Variants in GAPVD1 observed in about 807,000 individuals in gnomAD.
GAPVD1 encodes GTPase-activating protein and VPS9 domain-containing protein 1.
Under a neutral mutation model 155.5 loss-of-function variants are expected in GAPVD1, and 35 were observed. The ratio of observed to expected loss-of-function variants is 0.23; its 90% confidence interval spans 0.17 to 0.30. The LOEUF (loss-of-function observed/expected upper bound fraction) is 0.30. GAPVD1 is among the 10% of genes least tolerant of loss of function. The pLI is 1.00. For missense variants in GAPVD1, 1,429 were observed against 1,775.7 expected, an observed-to-expected ratio of 0.80 and a Z score of 3.51; for synonymous variants, 636 against 619.7, an observed-to-expected ratio of 1.03 and a Z score of -0.39.
intron 25 of GAPVD1, among the ~76,000 whole-genome samples, chr9:125,356,855 A>T (rs901185273): frequency 1.3e-5 from 2 of 151,966 alleles, no homozygotes; most frequent in Non-Finnish European, 2.9e-5. Context: ...TTGTATTTTT[A>T]GTAGAGATGG....
chr9:125,275,884 C>CAT (rs1469162225), intron 2 of GAPVD1, among the ~76,000 whole-genome samples: 1 of 152,158 alleles, frequency 6.6e-6, no homozygotes, highest in Non-Finnish European at 1.5e-5. Context: ...CTAAGTAATG[C>CAT]ATATTAGCTA....
intron 15 of GAPVD1, 48 bp from the exon 16 acceptor site, chr9:125,336,970 G>A (rs749553821): frequency 3.0e-5 from 31 of 1,048,246 alleles, no homozygotes; most frequent in African/African-American, 2.7e-4. Context: ...TGTTGAGACC[G>A]TCTGTCCTGC....
chr9:125,324,409 G>A (rs1157898821), intron 11 of GAPVD1, among the ~76,000 whole-genome samples: 1 of 152,018 alleles, frequency 6.6e-6, no homozygotes, highest in Non-Finnish European at 1.5e-5. Context: ...TGACCAACAT[G>A]GAGAAAGCCC....
chr9:125,362,578 G>T, intron 27 of GAPVD1, 28 bp from the exon 28 acceptor site: 2 of 1,565,112 alleles, frequency 1.3e-6, no homozygotes, highest in South Asian at 2.4e-5. Flanking sequence ...CTGAGTAATT[G>T]ATTCTTTTTT....
rs1336090387 is a variant in GAPVD1, at chr9:125,354,703, C to G, written c.3619C>G (p.Gln1207Glu). The change falls in exon 24 of 28, where the codon CAG becomes GAG. Residue 1207 changes from glutamine to glutamate, a missense_variant. Coordinates refer to ENST00000297933, the MANE Select transcript of GAPVD1 (RefSeq NM_001282680.3). ...TCTCACTCGTTGTCGACAAGGACTACAGACCACACAGGCTCACCTGGAAAG... is the reference window on the plus strand; with the variant it reads ...TCTCACTCGTTGTCGACAAGGACTAGAGACCACACAGGCTCACCTGGAAAG... The part of the protein sequence containing the change: ...AYLTRCRQGL[Q>E]TTQAHLERLL... The G allele has an allele frequency of 5.0e-6, 8 of 1,613,544 alleles. No individual in the cohort carries two copies. Among genetic ancestry groups the G allele is most frequent in the Non-Finnish European group, 6.8e-6 (8 of 1,179,550 alleles).
In GAPVD1 at chr9:125,349,010, C is replaced by A. The variant is rs866810994; in HGVS notation, c.3170-380C>A. On this transcript the variant is annotated intron_variant, in intron 20 of 27. Transcript: ENST00000297933. ...TAGAGCAAGCCATTTTCTGACTGGG[C>A]AGGAGTCCATGTCTATAAAATGAGG... 2.6e-5 allele frequency among the ~76,000 whole-genome samples: 4 copies of A among 152,264 alleles called. No homozygotes were observed. The South Asian group carries it at 8.3e-4, about 32-fold the overall frequency.
intron 2 of GAPVD1, among the ~76,000 whole-genome samples, chr9:125,279,319 G>A (rs1018979938): frequency 2.0e-5 from 3 of 151,228 alleles, no homozygotes; most frequent in Non-Finnish European, 2.9e-5. Flanking sequence ...GCCTGTAATC[G>A]CAGCACCTTG....
At chr9:125,344,105 C>T (rs188743301) in intron 19 of GAPVD1, among the ~76,000 whole-genome samples, 111 of 152,222 alleles carry the variant, frequency 7.3e-4, no homozygotes, top group African/African-American at 2.6e-3. Flanking sequence ...CCTTACTGGT[C>T]CAGAAATTTC....
chr9:125,298,606 A>T (rs1407652726), intron 3 of GAPVD1, among the ~76,000 whole-genome samples: 1 of 146,814 alleles, frequency 6.8e-6, no homozygotes, highest in Non-Finnish European at 1.5e-5. Context: ...CCCCTGCCTC[A>T]GCCTTCTGAG....
chr9:125,267,340 G>T (rs943470553), intron 1 of GAPVD1, among the ~76,000 whole-genome samples: 1 of 152,086 alleles, frequency 6.6e-6, no homozygotes, highest in East Asian at 1.9e-4. Context: ...TTGCAGTCTC[G>T]ACCTCCTGGG....
Position 125,359,335 on chromosome 9 carries a change from G to A in GAPVD1, c.3972-85G>A, listed in dbSNP as rs141210656. On this transcript the variant is annotated intron_variant, in intron 25 of 27. Coordinates refer to ENST00000297933, the MANE Select transcript of GAPVD1 (RefSeq NM_001282680.3). ...TCCATATCTAGTCAACATGTTTCACGTGTTTTGTAAAAATCAATGATGACT... is the reference window on the plus strand; with the variant it reads ...TCCATATCTAGTCAACATGTTTCACATGTTTTGTAAAAATCAATGATGACT... 7.2e-5 allele frequency: 57 copies of A among 793,076 alleles called. 1 individual carries two copies. In the East Asian group the frequency reaches 1.1e-3, roughly 15 times the overall value. The allele number at this position is 793,076 out of a possible 1,614,324, so 49.1% of individuals were successfully genotyped here. A position where few individuals can be genotyped will look rare whatever the true frequency, so the allele number is the denominator to read the frequency against.
Position 125,330,122 on chromosome 9 carries a change from G to C in GAPVD1, c.2077G>C (p.Gly693Arg), listed in dbSNP as rs1845875465. Residue 693 changes from glycine to arginine, a missense_variant, in exon 13 of 28, where the codon GGT becomes CGT. Physicochemically the swap from Gly to Arg is moderately radical, Grantham distance 125. This residue lies in a region of GAPVD1 where 699 missense variants were observed against 826.0 expected (regional missense o/e 0.85). Coordinates refer to ENST00000297933, the MANE Select transcript of GAPVD1 (RefSeq NM_001282680.3). ...NMLGSLLCLP[G>R]SGSVLLDPCT... ...GTTAGGCAGTTTGCTGTGCCTCCCA[G>C]GTTCAGGGTCAGTGCTTCTTGACCC... 4 of 1,612,456 alleles carry C rather than the reference G, an allele frequency of 2.5e-6. No homozygotes were observed. Among genetic ancestry groups the C allele is most frequent in the African/African-American group, 2.7e-5 (2 of 74,958 alleles).
intron 20 of GAPVD1, 113 bp downstream of exon 20, chr9:125,347,054 C>G (rs1848604133): frequency 2.0e-6 from 2 of 1,012,338 alleles, no homozygotes; most frequent in South Asian, 3.1e-5. Flanking sequence ...CAGTTTACTA[C>G]CTCAAAATTA....
intron 2 of GAPVD1, among the ~76,000 whole-genome samples, chr9:125,281,316 A>T (rs867286660): frequency 2.8e-4 from 43 of 152,148 alleles, no homozygotes; most frequent in African/African-American, 9.4e-4. Flanking sequence ...GTAGACTTAA[A>T]TTTTTTTTAT....
At chr9:125,309,238 A>T (rs1392308086) in intron 8 of GAPVD1, 1 of 152,152 alleles carries the variant, frequency 6.6e-6, no homozygotes, top group Non-Finnish European at 1.5e-5. Context: ...ATACTCTTCA[A>T]GTCTTTGTCT....
chr9:125,263,816 T>C, intron 1 of GAPVD1: 29 of 1,088,866 alleles, frequency 2.7e-5, no homozygotes, highest in Non-Finnish European at 3.0e-5. Flanking sequence ...TCTGGACAGC[T>C]ATGGCGTAGG....
chr9:125,330,829 C>T (rs1845960551), intron 13 of GAPVD1, among the ~76,000 whole-genome samples: 1 of 152,120 alleles, frequency 6.6e-6, no homozygotes, highest in Non-Finnish European at 1.5e-5. Context: ...TAGTATCTTC[C>T]ACAAACTCAT....
chr9:125,278,263 G>A (rs2132042439), intron 2 of GAPVD1, among the ~76,000 whole-genome samples: 1 of 152,350 alleles, frequency 6.6e-6, no homozygotes, highest in East Asian at 1.9e-4. Flanking sequence ...GCTTATGGCT[G>A]TAATCCCAGC....
chr9:125,348,017 G>T (rs1410930743), intron 20 of GAPVD1, among the ~76,000 whole-genome samples: 4 of 151,954 alleles, frequency 2.6e-5, no homozygotes, highest in African/African-American at 4.8e-5. Flanking sequence ...GCCATATATA[G>T]AGAGTGTGTG....
Sources: allele counts gnomAD v4.1 joint callset (sites outside exome capture counted in the v4.1 genomes callset), GRCh38; gene constraint gnomAD v4.1.1; regional missense constraint gnomAD v4.1.1; transcripts MANE v1.5; gene names NCBI Gene and HGNC (gene_info 2026-07-23, HGNC 2026-07-21).